Variants in TRIM10 observed in about 807,000 individuals in gnomAD.
The protein encoded by TRIM10 is tripartite motif containing 10.
Under a neutral mutation model 40.0 loss-of-function variants are expected in TRIM10, and 42 were observed. The observed-to-expected ratio is 1.05, with a 90% CI of 0.82 to 1.36. TRIM10 has a LOEUF of 1.36. Ranked by LOEUF, TRIM10 falls within the 40% of genes most tolerant of loss-of-function variation. TRIM10 has a pLI of 0.00. For missense variants in TRIM10, 601 were observed against 608.3 expected, an observed-to-expected ratio of 0.99 and a Z score of 0.13; for synonymous variants, 260 against 239.5, an observed-to-expected ratio of 1.09 and a Z score of -0.79.
chr6:30,162,791 T>C (rs1433346363), upstream of TRIM10, among the ~76,000 whole-genome samples: 1 of 152,128 alleles, frequency 6.6e-6, no homozygotes, highest in Admixed American at 6.5e-5. Context: ...TAGAGGGTTA[T>C]TAAAATTGAA....
chr6:30,154,313 C>A lies in TRIM10; in HGVS notation c.1102G>T (p.Val368Leu). Residue 368 changes from valine (V) to leucine (L), a missense_variant, in exon 7 of 7, where the codon GTG (valine) becomes TTG (leucine). Coordinates refer to ENST00000449742, the MANE Select transcript of TRIM10 (RefSeq NM_006778.4). The stretch of plus-strand genomic sequence containing the variant: ...CCATGGGCCAGGTCTATACTCACCA[C>A]CCACGTGTGTCTCCCCCCTGTGATG... ...TGITGGRHTW[V>L]VSIDLAHGGS... The A allele has an allele frequency of 6.2e-7, 1 of 1,613,110 alleles. No homozygotes were observed. The highest frequency in any genetic ancestry group is 8.5e-7 in the Non-Finnish European group (1 of 1,180,026).
At chr6:30,155,630 G>T in intron 6 of TRIM10, 97 bp downstream of exon 6, 2 of 1,053,994 alleles carry the variant, frequency 1.9e-6, no homozygotes, top group Non-Finnish European at 1.4e-6. Flanking sequence ...TATGACTATT[G>T]TCATAGTCAT....
rs546208399 is a variant in TRIM10, at chr6:30,159,157, A to T, written c.518T>A (p.Val173Asp). ...IQSRENKRMQ[V>D]LLTQVSTKRQ... ...GAAGGGGTGATGACTTACCAGGAGG[A>T]CTTGCATCCTTTTATTTTCTCTTGA... The change falls in exon 2 of 7, where the codon GTC (valine) becomes GAC (aspartate). Residue 173 changes from valine (V) to aspartate (D), a missense_variant. Physicochemically the swap from Val to Asp is radical, Grantham distance 152. Coordinates refer to ENST00000449742, the MANE Select transcript of TRIM10 (RefSeq NM_006778.4). 11 of 1,608,964 alleles carry T rather than the reference A, an allele frequency of 6.8e-6. No individual in the cohort carries two copies. Among genetic ancestry groups the T allele is most frequent in the African/African-American group, 4.0e-5 (3 of 74,892 alleles).
intron 1 of TRIM10, 131 bp from the exon 2 acceptor site, chr6:30,159,376 G>A (rs958116983): frequency 1.7e-5 from 11 of 639,862 alleles, no homozygotes; most frequent in East Asian, 2.7e-5. Flanking sequence ...GACAATCCCC[G>A]AGCCTTCACC....
rs750090308 is a variant in TRIM10 at position 30,153,979 on chromosome 6, A to G, written c.1436T>C (p.Leu479Pro). The G allele has an allele frequency of 1.9e-6, 3 of 1,599,588 alleles. No homozygotes were observed. The highest frequency in any genetic ancestry group is 2.6e-6 in the Non-Finnish European group (3 of 1,169,770). ...GGTAACTGCTCCTTCTCAGGAGCTC[A>G]GGGAGAAACTGGACCCTCGGCCCCA... ...GLWGRGSSFS[L>P]SS Residue 479 changes from leucine to proline, a missense_variant, in exon 7 of 7, where the codon CTG becomes CCG. Physicochemically the swap from Leu to Pro is moderately conservative, Grantham distance 98 (BLOSUM62 -3). Coordinates refer to ENST00000449742, the MANE Select transcript of TRIM10 (RefSeq NM_006778.4).
chr6:30,162,446 A>G (rs975236512), upstream of TRIM10, among the ~76,000 whole-genome samples: 15 of 152,234 alleles, frequency 9.9e-5, no homozygotes, highest in African/African-American at 3.6e-4. Context: ...CCTGGGCTGC[A>G]CTCGTGGCAG....
rs1261649981 is a variant in TRIM10, at chr6:30,155,751, A to C, written c.904T>G (p.Cys302Gly). Reference protein sequence around the residue: ...REMKMFLEKLCFELDYEPAHI... With the variant: ...REMKMFLEKLGFELDYEPAHI... ...CCTGGCTCATAGTCCAACTCAAAGC[A>C]TAGTTTTTCTGTAAAGAAAATAAAC... Residue 302 changes from cysteine (C) to glycine (G), a missense_variant, in exon 6 of 7, where the codon TGC (cysteine) becomes GGC (glycine). Physicochemically the swap from Cys to Gly is radical, Grantham distance 159. Coordinates refer to ENST00000449742, the MANE Select transcript of TRIM10 (RefSeq NM_006778.4). 2 of 1,613,358 alleles carry C rather than the reference A, an allele frequency of 1.2e-6. No homozygotes were observed. Among genetic ancestry groups the C allele is most frequent in the Non-Finnish European group, 1.7e-6 (2 of 1,179,866 alleles).
At chr6:30,158,746 G>T in intron 2 of TRIM10, 117 bp from the exon 3 acceptor site, 1 of 840,056 alleles carries the variant, frequency 1.2e-6, no homozygotes, top group Admixed American at 2.1e-5. Context: ...CTTTTCACTT[G>T]TCATCCCATT....
chr6:30,158,517 T>C lies in TRIM10; in HGVS notation c.638A>G (p.Asp213Gly). 1 of 1,613,008 alleles carries C rather than the reference T, an allele frequency of 6.2e-7. No individual in the cohort carries two copies. The highest frequency in any genetic ancestry group is 8.5e-7 in the Non-Finnish European group (1 of 1,180,016). Residue 213 changes from aspartate (D) to glycine (G), a missense_variant, in exon 3 of 7, where the codon GAC becomes GGC. Transcript: ENST00000449742. The stretch of plus-strand genomic sequence containing the variant: ...AAATTCATCCCGTTGCCTCAAGATG[T>C]CCCCATCCTGGCTCTCCAATTGTGC... ...LLAQLESQDG[D>G]ILRQRDEFDL...
At chr6:30,158,730 G>A in intron 2 of TRIM10, 101 bp from the exon 3 acceptor site, 2 of 961,446 alleles carry the variant, frequency 2.1e-6, no homozygotes, top group Non-Finnish European at 3.3e-6. Context: ...ACTGTGTCAT[G>A]GTTTCCTTTT....
chr6:30,162,585 T>C (rs1466255619), upstream of TRIM10, among the ~76,000 whole-genome samples: 1 of 152,122 alleles, frequency 6.6e-6, no homozygotes, highest in Non-Finnish European at 1.5e-5. Context: ...CACAGATGTG[T>C]GCATGGGTGA....
chr6:30,163,388 G>A, upstream of TRIM10: 1 of 513,624 alleles, frequency 1.9e-6, no homozygotes, highest in Admixed American at 3.7e-5. Context: ...AAGGAGCCAG[G>A]AGTAAAGAAC....
Position 30,160,759 on chromosome 6 carries a change from T to C in TRIM10, c.100A>G (p.Asn34Asp). Reference protein sequence around the residue: ...REPVTIDCGHNFCRACLTRYC... With the variant: ...REPVTIDCGHDFCRACLTRYC... ...CGGGTAAGGCAGGCCCGGCAGAAGT[T>C]GTGGCCGCAGTCGATAGTGACCGGC... The change falls in exon 1 of 7, where the codon AAC becomes GAC. Residue 34 changes from asparagine to aspartate, a missense_variant. By Grantham distance (23) the Asn-to-Asp change is conservative. Coordinates refer to ENST00000449742, the MANE Select transcript of TRIM10 (RefSeq NM_006778.4). 1.2e-6 allele frequency: 2 copies of C among 1,614,200 alleles called. No homozygotes were observed. The highest frequency in any genetic ancestry group is 2.2e-5 in the South Asian group (2 of 91,082).
At chr6:30,155,136 C>T (rs927090497) in intron 6 of TRIM10, among the ~76,000 whole-genome samples, 2 of 152,112 alleles carry the variant, frequency 1.3e-5, no homozygotes, top group African/African-American at 2.4e-5. Flanking sequence ...AATTTAGGTC[C>T]ATCTGTGGGT....
rs989737232 is a variant in TRIM10 at position 30,153,451 on chromosome 6, C to T, written c.*518G>A. The stretch of plus-strand genomic sequence containing the variant: ...TTCTCTGTCTTCCCAAGAGCTCTTT[C>T]AGATATAGAGCAGGTTTTTTTTTTC... On this transcript the variant is annotated 3_prime_UTR_variant, in exon 7 of 7. Transcript: ENST00000449742. 2.8e-5 allele frequency: 15 copies of T among 538,828 alleles called. No homozygotes were observed. Among genetic ancestry groups the T allele is most frequent in the African/African-American group, 2.3e-4 (12 of 53,038 alleles). The allele number at this position is 538,828 out of a possible 1,614,324, so 33.4% of individuals were successfully genotyped here. A position where few individuals can be genotyped will look rare whatever the true frequency, so the allele number is the denominator to read the frequency against.
In TRIM10 at chr6:30,160,448, A is replaced by T. The variant is rs1411744578; in HGVS notation, c.411T>A (p.Asp137Glu). 1 of 1,613,944 alleles carries T rather than the reference A, an allele frequency of 6.2e-7. No homozygotes were observed. The highest frequency in any genetic ancestry group is 1.1e-5 in the South Asian group (1 of 91,078). Residue 137 changes from aspartate (D) to glutamate (E), a missense_variant, in exon 1 of 7, where the codon GAT (aspartate) becomes GAA (glutamate). Transcript: ENST00000449742. ...HATHTMRFLE[D>E]AAAPYREQIH... Reference sequence around the variant, plus strand: ...TTCCTACCCTATAGGGAGCCGCTGCATCCTCCAGGAAGCGCATGGTGTGGG... The same window carrying T: ...TTCCTACCCTATAGGGAGCCGCTGCTTCCTCCAGGAAGCGCATGGTGTGGG...
intron 6 of TRIM10, 94 bp from the exon 7 acceptor site, chr6:30,154,580 T>C (rs1581563827): frequency 1.3e-6 from 2 of 1,508,478 alleles, no homozygotes; most frequent in East Asian, 4.5e-5. Context: ...CCTGTTAGTG[T>C]TATTATTACC....
chr6:30,157,227 G>A lies in TRIM10; in HGVS notation c.779+142C>T, dbSNP rs1299145357. Reference sequence around the variant, plus strand: ...GGGCATCTATGGATATACCTGAGAAGGCATTTGGGTATATAGAGGTTTATA... The same window carrying A: ...GGGCATCTATGGATATACCTGAGAAAGCATTTGGGTATATAGAGGTTTATA... On this transcript the variant is annotated intron_variant, in intron 4 of 6. Transcript: ENST00000449742. 2.7e-6 allele frequency: 3 copies of A among 1,091,872 alleles called. No homozygotes were observed. The African/African-American group carries it at 4.7e-5, about 17-fold the overall frequency. 67.6% of individuals were successfully genotyped at this position (1,091,872 alleles called of 1,614,324 possible). A position where few individuals can be genotyped will look rare whatever the true frequency, so the allele number is the denominator to read the frequency against.
chr6:30,155,801 C>T, intron 5 of TRIM10, 42 bp from the exon 6 acceptor site: 1 of 1,592,942 alleles, frequency 6.3e-7, no homozygotes, highest in Non-Finnish European at 8.6e-7. Flanking sequence ...ATTAGTCTTA[C>T]AAAACCATCA....
Sources: gnomAD v4.1 joint callset for allele counts (sites outside exome capture counted in the v4.1 genomes callset) on GRCh38, gnomAD v4.1.1 for gene constraint, MANE v1.5 for transcripts, NCBI Gene and HGNC (gene_info 2026-07-23, HGNC 2026-07-21) for gene names.